The following CNKSR3 variants were observed in gnomAD, a reference collection of about 807,000 sequenced individuals.
The protein encoded by CNKSR3 is CNKSR family member 3, also known as connector enhancer of kinase suppressor of ras 3.
Under a neutral mutation model 67.7 loss-of-function variants are expected in CNKSR3, and 36 were observed. The ratio of observed to expected loss-of-function variants is 0.53; its 90% CI spans 0.41 to 0.70. The LOEUF is 0.70. CNKSR3 is among the 30% of genes least tolerant of loss of function. The probability of loss-of-function intolerance (pLI) is 0.00; values close to 1 mark genes in which losing one functional copy is unlikely to be tolerated. For missense variants in CNKSR3, 630 were observed against 695.2 expected, an observed-to-expected ratio of 0.91 and a Z score of 1.05; for synonymous variants, 281 against 271.4, an observed-to-expected ratio of 1.04 and a Z score of -0.35.
chr6:154,443,895 T>C (rs990829521), intron 2 of CNKSR3, among the ~76,000 whole-genome samples: 1 of 152,188 alleles, frequency 6.6e-6, no homozygotes, highest in Non-Finnish European at 1.5e-5. Context: ...CTCTTGTGCT[T>C]CTAACCTGTG....
chr6:154,479,292 G>A (rs956542409), intron 1 of CNKSR3, among the ~76,000 whole-genome samples: 1 of 152,082 alleles, frequency 6.6e-6, no homozygotes, highest in African/African-American at 2.4e-5. Flanking sequence ...TTCAATGTGA[G>A]GCAAATAAAA....
chr6:154,494,487 G>A (rs764467228), intron 1 of CNKSR3, among the ~76,000 whole-genome samples: 20 of 152,146 alleles, frequency 1.3e-4, no homozygotes, highest in Non-Finnish European at 8.8e-5. Flanking sequence ...AAATTAGCAA[G>A]TTTTAATAGA....
At chr6:154,486,570 A>G (rs1411751702) in intron 1 of CNKSR3, among the ~76,000 whole-genome samples, 1 of 146,880 alleles carries the variant, frequency 6.8e-6, no homozygotes, top group East Asian at 2.0e-4. Flanking sequence ...TTGGCTCACT[A>G]CAACCTCCCC....
chr6:154,412,301 A>G (rs1390277021), intron 10 of CNKSR3, among the ~76,000 whole-genome samples: 1 of 151,978 alleles, frequency 6.6e-6, no homozygotes, highest in African/African-American at 2.4e-5. Flanking sequence ...ATCCATTCCC[A>G]TTTTTCATTC....
At chr6:154,407,895 A>C (rs889217826) in intron 12 of CNKSR3, among the ~76,000 whole-genome samples, 4 of 147,660 alleles carry the variant, frequency 2.7e-5, no homozygotes, top group African/African-American at 9.9e-5. Flanking sequence ...AAAAAAAAAA[A>C]CCTAAATTTC....
intron 5 of CNKSR3, among the ~76,000 whole-genome samples, chr6:154,432,246 C>T (rs1284263858): frequency 6.6e-6 from 1 of 152,114 alleles, no homozygotes; most frequent in African/African-American, 2.4e-5. Flanking sequence ...ATTTACAATT[C>T]CCTAATACAA....
intron 1 of CNKSR3, among the ~76,000 whole-genome samples, chr6:154,470,491 TA>T (rs1341877141): frequency 6.6e-6 from 1 of 152,200 alleles, no homozygotes; most frequent in Non-Finnish European, 1.5e-5. Flanking sequence ...TTTCTATCTC[TA>T]TGATTTGCCT....
At position 154,410,994 on chromosome 6, in the gene CNKSR3, C is replaced by T; in HGVS notation, c.1219G>A (p.Gly407Arg). Residue 407 changes from glycine (G) to arginine (R), a missense_variant, in exon 11 of 13, where the codon GGG (glycine) becomes AGG (arginine). Gly to Arg is a moderately radical substitution (Grantham distance 125). Transcript: ENST00000607772. ...AGAATGTTGGTTTCCACCGAGTACC[C>T]AGGCAACTGATCCGAGTCTGCAATG... is the stretch of plus-strand genomic sequence containing the variant. ...FTIADSDQLP[G>R]YSVETNILPT... 6.2e-7 allele frequency: 1 copy of T among 1,614,086 alleles called. No homozygotes were observed. Among genetic ancestry groups the T allele is most frequent in the Middle Eastern group, 1.7e-4 (1 of 6,060 alleles).
rs1290033218 is a variant in CNKSR3, at chr6:154,392,838, C to T, written c.*13516G>A. 1 of 152,306 alleles carries T rather than the reference C, an allele frequency of 6.6e-6. No individual in the cohort carries two copies. Among genetic ancestry groups the T allele is most frequent in the Non-Finnish European group, 1.5e-5 (1 of 68,154 alleles). 9.4% of individuals were successfully genotyped at this position (152,306 alleles called of 1,614,324 possible). A position where few individuals can be genotyped will look rare whatever the true frequency, so the allele number is the denominator to read the frequency against. On this transcript the variant is annotated 3_prime_UTR_variant, in exon 13 of 13. Transcript: ENST00000607772. ...TCCATGGAGCTCCACAAGAGCCTGA[C>T]TTCTTTTCTGGGAAACCAACTTCTA...
At chr6:154,438,570 T>C (rs1562332658) in intron 4 of CNKSR3, among the ~76,000 whole-genome samples, 1 of 152,196 alleles carries the variant, frequency 6.6e-6, no homozygotes, top group Non-Finnish European at 1.5e-5. Context: ...TCAAAAATTA[T>C]AAGTGACTCG....
At chr6:154,501,950 G>A (rs1042989391) in intron 1 of CNKSR3, among the ~76,000 whole-genome samples, 2 of 151,974 alleles carry the variant, frequency 1.3e-5, no homozygotes, top group South Asian at 4.2e-4. Flanking sequence ...ACAACAAAAG[G>A]GTGAATGGAA....
chr6:154,393,560 C>G lies in CNKSR3; in HGVS notation c.*12794G>C, dbSNP rs752855510. The G allele has an allele frequency of 5.3e-5, 8 of 152,202 alleles. No individual in the cohort carries two copies. The highest frequency in any genetic ancestry group is 8.8e-5 in the Non-Finnish European group (6 of 68,032). The allele number at this position is 152,202 out of a possible 1,614,324, so 9.4% of individuals were successfully genotyped here. The stretch of plus-strand genomic sequence containing the variant: ...TAATAATTATATGTATATATTCTTA[C>G]TGCTAACCCTTAGGACTTTTTAATC... On this transcript the variant is annotated 3_prime_UTR_variant, in exon 13 of 13. Coordinates refer to ENST00000607772, the MANE Select transcript of CNKSR3 (RefSeq NM_173515.4).
At chr6:154,416,441 G>A (rs759057149) in intron 9 of CNKSR3, among the ~76,000 whole-genome samples, 2 of 152,082 alleles carry the variant, frequency 1.3e-5, no homozygotes, top group African/African-American at 2.4e-5. Context: ...TGTCAATTTC[G>A]GACCATATCT....
rs1784946748 is a variant in CNKSR3, at chr6:154,413,281, G to A, written c.1070+1018C>T. ...ACTCTGTTGTCCAGGCTGGAGTGCAGTGGTATGATCATGGTGTATTGTACT... is the reference window on the plus strand; with the variant it reads ...ACTCTGTTGTCCAGGCTGGAGTGCAATGGTATGATCATGGTGTATTGTACT... On this transcript the variant is annotated intron_variant, in intron 10 of 12. Coordinates refer to ENST00000607772, the MANE Select transcript of CNKSR3 (RefSeq NM_173515.4). Among the ~76,000 whole-genome samples, 5 of 152,020 alleles carry A rather than the reference G, an allele frequency of 3.3e-5. No individual in the cohort carries two copies. The South Asian group carries it at 1.0e-3, about 32-fold the overall frequency.
At chr6:154,495,881 G>C (rs968808766) in intron 1 of CNKSR3, among the ~76,000 whole-genome samples, 4 of 151,994 alleles carry the variant, frequency 2.6e-5, no homozygotes, top group Non-Finnish European at 5.9e-5. Context: ...CTCACCAGGA[G>C]ACAGGCCCAA....
intron 7 of CNKSR3, 30 bp downstream of exon 7, chr6:154,428,098 A>C: frequency 6.9e-7 from 1 of 1,443,738 alleles, no homozygotes; most frequent in Non-Finnish European, 9.7e-7. Flanking sequence ...AACACACAAC[A>C]GATTTTACAC....
At chr6:154,430,635 C>T (rs41292918) in intron 5 of CNKSR3, 44 bp from the exon 6 acceptor site, 20,092 of 1,567,858 alleles carry the variant, frequency 0.013, 176 homozygotes, top group Middle Eastern at 0.021. Flanking sequence ...CAATCATTAA[C>T]CAAGTTTATC....
chr6:154,444,392 G>A (rs1785663771), intron 2 of CNKSR3, among the ~76,000 whole-genome samples: 1 of 152,134 alleles, frequency 6.6e-6, no homozygotes, highest in African/African-American at 2.4e-5. Flanking sequence ...TTTGACCAAG[G>A]CAATCTGCAT....
Position 154,496,072 on chromosome 6 carries a change from G to A in CNKSR3, c.52+13991C>T, listed in dbSNP as rs1373488425. On this transcript the variant is annotated intron_variant, in intron 1 of 12. Transcript: ENST00000607772. ...ACTTACCTGGCCACCTGTTAGACATGCGGCCGTCACTATACATGACGTTAC... is the reference window on the plus strand; with the variant it reads ...ACTTACCTGGCCACCTGTTAGACATACGGCCGTCACTATACATGACGTTAC... 2.0e-5 allele frequency among the ~76,000 whole-genome samples: 3 copies of A among 152,144 alleles called. No homozygotes were observed. In the East Asian group the frequency reaches 5.8e-4, roughly 29 times the overall value.
Sources: gnomAD v4.1 joint callset for allele counts (sites outside exome capture counted in the v4.1 genomes callset) on GRCh38, gnomAD v4.1.1 for gene constraint, MANE v1.5 for transcripts, NCBI Gene and HGNC (gene_info 2026-07-23, HGNC 2026-07-21) for gene names.